Variants in P3H2 observed in about 807,000 individuals in gnomAD.
The protein encoded by P3H2 is prolyl 3-hydroxylase 2, also known as leprecan-like 1.
A neutral mutation model predicts 87.0 loss-of-function variants in P3H2; 80 were observed. That is an observed-to-expected ratio of 0.92 (90% CI 0.77 to 1.11). P3H2 has a LOEUF of 1.11. Among genes scored for constraint, P3H2 ranks in the 50% least tolerant of loss-of-function variants. The probability of loss-of-function intolerance (pLI) is 0.00; values close to 1 mark genes in which losing one functional copy is unlikely to be tolerated. For missense variants in P3H2, 1,001 were observed against 923.9 expected (o/e 1.08, Z -1.08); for synonymous variants, 367 against 359.3 (o/e 1.02, Z -0.24).
At chr3:190,035,837 T>G (rs1052609498) in intron 1 of P3H2, among the ~76,000 whole-genome samples, 1 of 151,942 alleles carries the variant, frequency 6.6e-6, no homozygotes, top group Non-Finnish European at 1.5e-5. Flanking sequence ...CTTATTAGAG[T>G]TTTTCCTTCA....
chr3:189,983,933 G>T (rs9990347), intron 7 of P3H2, among the ~76,000 whole-genome samples: 1 of 151,948 alleles, frequency 6.6e-6, no homozygotes, highest in Admixed American at 6.6e-5. Context: ...AGCTTTCTTG[G>T]GGGAAGGGGA....
chr3:190,085,156 G>A (rs1253737854), intron 1 of P3H2, among the ~76,000 whole-genome samples: 2 of 152,070 alleles, frequency 1.3e-5, no homozygotes, highest in Non-Finnish European at 2.9e-5. Context: ...AAAGCACAGA[G>A]AAAAATCATG....
intron 1 of P3H2, among the ~76,000 whole-genome samples, chr3:189,997,455 C>A (rs1724086333): frequency 6.6e-6 from 1 of 152,140 alleles, no homozygotes; most frequent in Non-Finnish European, 1.5e-5. Context: ...CACAGAATGG[C>A]ATGTAAGATT....
At chr3:190,018,428 C>A (rs1250583873) in intron 1 of P3H2, among the ~76,000 whole-genome samples, 1 of 152,048 alleles carries the variant, frequency 6.6e-6, no homozygotes, top group Non-Finnish European at 1.5e-5. Flanking sequence ...GATAAGTAGG[C>A]CAGGTGTAGT....
chr3:190,000,055 C>T (rs1239485599), intron 1 of P3H2, among the ~76,000 whole-genome samples: 2 of 152,168 alleles, frequency 1.3e-5, no homozygotes, highest in African/African-American at 4.8e-5. Context: ...TAATAAAGGA[C>T]GGATTGCTAA....
Position 189,986,806 on chromosome 3 carries a change from C to T in P3H2, c.1170G>A (p.Gly390=). 2 of 1,610,178 alleles carry T rather than the reference C, an allele frequency of 1.2e-6. No individual in the cohort carries two copies. The highest frequency in any genetic ancestry group is 8.5e-7 in the Non-Finnish European group (1 of 1,176,482). Residue 390 remains glycine, a synonymous_variant, in exon 6 of 15, where the codon GGG becomes GGA. Coordinates refer to ENST00000319332, the MANE Select transcript of P3H2 (RefSeq NM_018192.4). ...CTCTTACCGGTTCAGTGTATGAAAA[C>T]CCCAGACCTTCTGCAGCTGATTTTA... ...ELIKSAAEGL[G]FSYTEPNYWI...
intron 1 of P3H2, among the ~76,000 whole-genome samples, chr3:190,091,736 A>G (rs1727415218): frequency 6.6e-6 from 1 of 152,264 alleles, no homozygotes; most frequent in African/African-American, 2.4e-5. Flanking sequence ...ACAGTGTGAA[A>G]GCAAAGAGAT....
At chr3:190,017,436 A>C (rs550383758) in intron 1 of P3H2, among the ~76,000 whole-genome samples, 3 of 152,224 alleles carry the variant, frequency 2.0e-5, no homozygotes, top group Admixed American at 1.3e-4. Flanking sequence ...GAGCATACAC[A>C]TGGATGCAAA....
intron 1 of P3H2, among the ~76,000 whole-genome samples, chr3:190,059,604 C>A (rs1726273451): frequency 6.6e-6 from 1 of 152,102 alleles, no homozygotes; most frequent in Non-Finnish European, 1.5e-5. Flanking sequence ...TCCTCCAACG[C>A]CAGCATCACT....
chr3:190,041,910 T>C (rs1212334455), intron 1 of P3H2, among the ~76,000 whole-genome samples: 2 of 152,236 alleles, frequency 1.3e-5, no homozygotes, highest in African/African-American at 4.8e-5. Flanking sequence ...AGTAATCACT[T>C]ACCCAGTTTG....
chr3:190,031,930 T>C (rs1415503085), intron 1 of P3H2, among the ~76,000 whole-genome samples: 2 of 152,164 alleles, frequency 1.3e-5, no homozygotes, highest in African/African-American at 4.8e-5. Context: ...TTAAGGGCAA[T>C]GTGGGATCCA....
At chr3:190,055,877 T>G (rs1253854895) in intron 1 of P3H2, among the ~76,000 whole-genome samples, 11 of 152,236 alleles carry the variant, frequency 7.2e-5, no homozygotes, top group Non-Finnish European at 1.0e-4. Context: ...CTATGCTTTG[T>G]AATTGGGATT....
chr3:189,975,385 T>C (rs1292984761), intron 8 of P3H2, among the ~76,000 whole-genome samples: 1 of 152,204 alleles, frequency 6.6e-6, no homozygotes, highest in Non-Finnish European at 1.5e-5. Context: ...CATTTTAGGT[T>C]GTGAAATTAC....
In P3H2 at chr3:189,997,210, TG is replaced by T. The variant is rs1448514223; in HGVS notation, c.481-1769del. ...CTAATTTTTGTATTTTTAGTAGAGA[TG>T]GGGTTTCACCATGTTGGCCAGGATG... On this transcript the variant is annotated intron_variant, in intron 1 of 14. Coordinates refer to ENST00000319332, the MANE Select transcript of P3H2 (RefSeq NM_018192.4). Among the ~76,000 whole-genome samples, 4 of 152,078 alleles carry T rather than the reference TG, an allele frequency of 2.6e-5. No individual in the cohort carries two copies. The East Asian group carries it at 7.7e-4, about 29-fold the overall frequency.
chr3:190,083,459 T>G (rs1055225830), intron 1 of P3H2, among the ~76,000 whole-genome samples: 1 of 152,106 alleles, frequency 6.6e-6, no homozygotes, highest in Non-Finnish European at 1.5e-5. Flanking sequence ...GGAAAAAAAT[T>G]TGCATGTATG....
chr3:189,972,914 A>C lies in P3H2; in HGVS notation c.1659T>G (p.Tyr553Ter), dbSNP rs767369900. ...ESYFMLNSTLYFSYTHMVCRT... is the reference protein window; with the variant it reads ...ESYFMLNSTL ...GGCAGACCATGTGTGTATAGGAAAA[A>C]TACAGAGTTGAGTTCAGCATAAAAT... is the stretch of plus-strand genomic sequence containing the variant. The change falls in exon 11 of 15, where the codon TAT (tyrosine) becomes TAG (stop). Residue 553 changes from tyrosine (Y) to a stop codon, truncating the protein, a stop_gained. Coordinates refer to ENST00000319332, the MANE Select transcript of P3H2 (RefSeq NM_018192.4). LOFTEE classifies it high-confidence loss of function. The C allele has an allele frequency of 1.3e-5, 21 of 1,614,146 alleles. No individual in the cohort carries two copies. The highest frequency in any genetic ancestry group is 1.7e-5 in the Non-Finnish European group (20 of 1,180,002).
intron 1 of P3H2, among the ~76,000 whole-genome samples, chr3:190,049,007 T>C (rs1725890707): frequency 6.6e-6 from 1 of 152,188 alleles, no homozygotes; most frequent in Admixed American, 6.5e-5. Context: ...TTGCTTCAGA[T>C]TCTGCCTTCA....
chr3:190,084,388 G>C (rs1406447243), intron 1 of P3H2, among the ~76,000 whole-genome samples: 1 of 152,146 alleles, frequency 6.6e-6, no homozygotes, highest in Non-Finnish European at 1.5e-5. Context: ...CACACTAATA[G>C]CATTATTTTG....
chr3:189,980,336 G>A (rs577204554), intron 8 of P3H2, among the ~76,000 whole-genome samples: 2 of 152,224 alleles, frequency 1.3e-5, no homozygotes, highest in South Asian at 2.1e-4. Flanking sequence ...AGGCCGTGGC[G>A]GGAGGATCAC....
Sources: gnomAD v4.1 joint callset for allele counts (sites outside exome capture counted in the v4.1 genomes callset) on GRCh38, gnomAD v4.1.1 for gene constraint, MANE v1.5 for transcripts, NCBI Gene and HGNC (gene_info 2026-07-23, HGNC 2026-07-21) for gene names.